The following RGS6 variants were observed in gnomAD, a reference collection of about 807,000 sequenced individuals.
The protein encoded by RGS6 is regulator of G protein signaling 6.
Under a neutral mutation model 78.5 loss-of-function variants are expected in RGS6, and 30 were observed. That is an observed-to-expected ratio of 0.38 (90% CI 0.29 to 0.52). The LOEUF is 0.52. RGS6 is among the 20% of genes least tolerant of loss of function. RGS6 has a pLI of 0.85. For missense variants in RGS6, 495 were observed against 609.7 expected (o/e 0.81, Z 1.98); for synonymous variants, 206 against 206.0 (o/e 1.00, Z 0.00).
chr14:71,934,679 A>G (rs1309483733), intron 1 of RGS6, among the ~76,000 whole-genome samples: 2 of 152,226 alleles, frequency 1.3e-5, no homozygotes, highest in Admixed American at 1.3e-4. Context: ...TTTTGAAGTA[A>G]GTAGACGTTT....
chr14:72,416,144 CA>C (rs5809572), intron 3 of RGS6, among the ~76,000 whole-genome samples: 33,777 of 97,128 alleles, frequency 0.35, 3,493 homozygotes, highest in East Asian at 0.57. Context: ...GACTCTGTCT[CA>C]AAAAAAAAAA....
intron 3 of RGS6, among the ~76,000 whole-genome samples, chr14:72,359,606 A>G (rs1278877013): frequency 6.6e-6 from 1 of 151,966 alleles, no homozygotes; most frequent in East Asian, 1.9e-4. Context: ...GAGTGTAGAT[A>G]GAACACACAG....
intron 2 of RGS6, among the ~76,000 whole-genome samples, chr14:72,184,369 A>ACACACACACAC (rs2097210745): frequency 1.4e-5 from 2 of 141,282 alleles, no homozygotes; most frequent in Admixed American, 7.1e-5. Context: ...TTTACTTTCA[A>ACACACACACAC]ACACACACAC....
At chr14:72,196,311 A>G (rs1230676971) in intron 2 of RGS6, among the ~76,000 whole-genome samples, 1 of 152,090 alleles carries the variant, frequency 6.6e-6, no homozygotes, top group African/African-American at 2.4e-5. Context: ...TAACCAGTTT[A>G]TGGATTAATT....
At chr14:72,471,183 G>A (rs1359692876) in intron 8 of RGS6, among the ~76,000 whole-genome samples, 1 of 152,170 alleles carries the variant, frequency 6.6e-6, no homozygotes, top group East Asian at 1.9e-4. Context: ...GACAAGAGAT[G>A]AAAGGAAGAA....
At chr14:71,984,721 T>A (rs1223246704) in intron 2 of RGS6, among the ~76,000 whole-genome samples, 1 of 152,214 alleles carries the variant, frequency 6.6e-6, no homozygotes, top group Non-Finnish European at 1.5e-5. Context: ...CTTTATATAA[T>A]TATAGCCTCA....
the RGS6 span, among the ~76,000 whole-genome samples, chr14:72,581,663 A>C: frequency 6.6e-6 from 1 of 152,196 alleles, no homozygotes; most frequent in East Asian, 1.9e-4. Context: ...TTCTGCTCTC[A>C]CTAGCAGCCT....
intron 2 of RGS6, among the ~76,000 whole-genome samples, chr14:72,257,854 A>C (rs780111847): frequency 3.9e-5 from 6 of 152,180 alleles, no homozygotes; most frequent in Non-Finnish European, 8.8e-5. Context: ...AGTTCCATGA[A>C]GTCAATGGAA....
chr14:71,924,226 G>A, the RGS6 span, among the ~76,000 whole-genome samples: 2 of 151,466 alleles, frequency 1.3e-5, no homozygotes. Flanking sequence ...TTAAATTTTT[G>A]TAGCGATGCG....
intron 1 of RGS6, among the ~76,000 whole-genome samples, chr14:71,936,029 T>TG (rs2089182992): frequency 7.1e-6 from 1 of 140,548 alleles, no homozygotes; most frequent in African/African-American, 2.6e-5. Flanking sequence ...TATATATATA[T>TG]ATATATATAT....
At chr14:72,029,205 C>T (rs956376850) in intron 2 of RGS6, among the ~76,000 whole-genome samples, 5 of 152,212 alleles carry the variant, frequency 3.3e-5, no homozygotes, top group African/African-American at 7.2e-5. Flanking sequence ...GTTGGAGCCC[C>T]GTAGTATAGT....
At chr14:72,476,660 A>G (rs963085859) in intron 10 of RGS6, 82 bp from the exon 11 acceptor site, 2 of 1,003,450 alleles carry the variant, frequency 2.0e-6, no homozygotes, top group Non-Finnish European at 1.5e-6. Flanking sequence ...ACGAAATTGG[A>G]TGAGTCATTG....
chr14:71,941,279 A>G (rs189879920), intron 1 of RGS6, among the ~76,000 whole-genome samples: 109 of 152,278 alleles, frequency 7.2e-4, no homozygotes, highest in African/African-American at 2.5e-3. Context: ...CTCTCTAAAC[A>G]GTTTCTGCCA....
chr14:72,459,578 G>T, intron 5 of RGS6, 54 bp from the exon 6 acceptor site: 1 of 1,583,848 alleles, frequency 6.3e-7, no homozygotes. Context: ...GGGTGTGGGA[G>T]GGAAGCGCAG....
At chr14:72,345,323 C>G (rs1245563441) in intron 2 of RGS6, among the ~76,000 whole-genome samples, 3 of 152,174 alleles carry the variant, frequency 2.0e-5, no homozygotes, top group African/African-American at 7.2e-5. Context: ...ATATCAGCCC[C>G]CATCTTTGGA....
At chr14:72,235,854 C>T (rs2050874483) in intron 2 of RGS6, among the ~76,000 whole-genome samples, 1 of 152,266 alleles carries the variant, frequency 6.6e-6, no homozygotes, top group South Asian at 2.1e-4. Flanking sequence ...TACATAAATT[C>T]TAGAAATTGT....
At chr14:72,260,123 T>C (rs1480047422) in intron 2 of RGS6, among the ~76,000 whole-genome samples, 1 of 152,166 alleles carries the variant, frequency 6.6e-6, no homozygotes. Flanking sequence ...GAAAGACATG[T>C]TTTAAGTATG....
chr14:72,570,544 G>A (rs1185442137), downstream of RGS6, among the ~76,000 whole-genome samples: 1 of 152,238 alleles, frequency 6.6e-6, no homozygotes, highest in Non-Finnish European at 1.5e-5. Flanking sequence ...TATCTATTCA[G>A]TTAGTAGGCA....
chr14:72,330,420 A>G, intron 2 of RGS6, among the ~76,000 whole-genome samples: 1 of 147,928 alleles, frequency 6.8e-6, no homozygotes, highest in South Asian at 2.1e-4. Context: ...TAAATGGAGA[A>G]GAAGTTCTCG....
Sources: gnomAD v4.1 joint callset for allele counts (sites outside exome capture counted in the v4.1 genomes callset) on GRCh38, gnomAD v4.1.1 for gene constraint, MANE v1.5 for transcripts, NCBI Gene and HGNC (gene_info 2026-07-23, HGNC 2026-07-21) for gene names.